Variants in TM2D1 observed in about 807,000 individuals in gnomAD.
The protein encoded by TM2D1 is TM2 domain-containing protein 1.
Under a neutral mutation model 28.4 loss-of-function variants are expected in TM2D1, and 15 were observed. The observed-to-expected ratio is 0.53, with a 90% CI of 0.35 to 0.81. TM2D1 has a LOEUF of 0.81. TM2D1 is among the 40% of genes least tolerant of loss of function. TM2D1 has a pLI of 0.01. For synonymous variants in TM2D1, 93 were observed against 96.2 expected, an observed-to-expected ratio of 0.97 and a Z score of 0.20; for missense variants, 236 against 254.9, an observed-to-expected ratio of 0.93 and a Z score of 0.50.
chr1:61,681,731 T>C (rs554565039), intron 6 of TM2D1, among the ~76,000 whole-genome samples: 20 of 152,266 alleles, frequency 1.3e-4, no homozygotes, highest in Non-Finnish European at 2.1e-4. Context: ...ACAATCCTTC[T>C]CATAAAATAG....
At chr1:61,697,293 T>C (rs1334194560) in intron 4 of TM2D1, among the ~76,000 whole-genome samples, 1 of 152,112 alleles carries the variant, frequency 6.6e-6, no homozygotes, top group African/African-American at 2.4e-5. Context: ...AATGTGTTAC[T>C]CCAGGAGTTT....
chr1:61,687,631 T>C (rs1485882538), intron 5 of TM2D1, among the ~76,000 whole-genome samples: 3 of 152,180 alleles, frequency 2.0e-5, no homozygotes, highest in Non-Finnish European at 4.4e-5. Flanking sequence ...TTTAACAGCA[T>C]TGTCAGTGAA....
At chr1:61,723,504 T>G (rs1434417870) in intron 2 of TM2D1, among the ~76,000 whole-genome samples, 1 of 152,200 alleles carries the variant, frequency 6.6e-6, no homozygotes, top group African/African-American at 2.4e-5. Flanking sequence ...TGGTGAAATT[T>G]CACCATTTCA....
At chr1:61,713,313 T>C (rs895313303) in intron 2 of TM2D1, among the ~76,000 whole-genome samples, 2 of 150,526 alleles carry the variant, frequency 1.3e-5, no homozygotes, top group Admixed American at 6.6e-5. Context: ...CCCATCTCTA[T>C]CAAAAATACA....
intron 2 of TM2D1, among the ~76,000 whole-genome samples, chr1:61,717,799 G>C (rs1351362764): frequency 6.6e-6 from 1 of 151,754 alleles, no homozygotes; most frequent in African/African-American, 2.4e-5. Context: ...AATGTAATCA[G>C]ACAATGAAGT....
At chr1:61,701,887 G>T (rs1282518386) in intron 3 of TM2D1, among the ~76,000 whole-genome samples, 24 of 152,134 alleles carry the variant, frequency 1.6e-4, no homozygotes, top group Admixed American at 1.6e-3. Flanking sequence ...TGAGGGAAAA[G>T]GAGAAGTCAA....
intron 2 of TM2D1, among the ~76,000 whole-genome samples, chr1:61,721,976 A>G (rs1047907790): frequency 6.0e-5 from 9 of 150,620 alleles, no homozygotes; most frequent in Non-Finnish European, 1.3e-4. Flanking sequence ...AAAAAAAAAA[A>G]AAGTCAGGGA....
At chr1:61,701,290 T>C (rs1323079603) in intron 3 of TM2D1, among the ~76,000 whole-genome samples, 1 of 102,404 alleles carries the variant, frequency 9.8e-6, no homozygotes, top group Non-Finnish European at 1.9e-5. Flanking sequence ...TATACTATGT[T>C]AGAAAGTCAT....
At chr1:61,700,004 T>C in intron 4 of TM2D1, 3 of 876,970 alleles carry the variant, frequency 3.4e-6, no homozygotes, top group Non-Finnish European at 4.6e-6. Context: ...CTTTGCTAGC[T>C]AGTAGGCAGA....
rs140110616 is a variant in TM2D1 at position 61,691,588 on chromosome 1, C to T, written c.513+3109G>A. On this transcript the variant is annotated intron_variant, in intron 5 of 6. Transcript: ENST00000606498. ...AATCTCATTTTTCTGATAAAAAACT[C>T]GTATTATCTAATCTATCCTTCATGA... Among the ~76,000 whole-genome samples the T allele has an allele frequency of 1.2e-4, 18 of 150,036 alleles. No individual in the cohort carries two copies. In the East Asian group the frequency reaches 3.5e-3, roughly 30 times the overall value.
At chr1:61,707,446 A>G (rs1375313445) in intron 3 of TM2D1, among the ~76,000 whole-genome samples, 3 of 152,214 alleles carry the variant, frequency 2.0e-5, no homozygotes, top group Non-Finnish European at 4.4e-5. Flanking sequence ...TGTTCTCAAC[A>G]GATGATTTTC....
At chr1:61,694,864 T>G in intron 4 of TM2D1, 94 bp from the exon 5 acceptor site, 1 of 593,974 alleles carries the variant, frequency 1.7e-6, no homozygotes, top group Non-Finnish European at 2.8e-6. Flanking sequence ...TATATATATA[T>G]ATCACACTCT....
At chr1:61,690,278 G>A (rs1644314021) in intron 5 of TM2D1, among the ~76,000 whole-genome samples, 2 of 151,948 alleles carry the variant, frequency 1.3e-5, no homozygotes, top group African/African-American at 2.4e-5. Flanking sequence ...CCAATATGGT[G>A]AAACCCTGTC....
intron 5 of TM2D1, among the ~76,000 whole-genome samples, chr1:61,689,042 T>C (rs758363742): frequency 6.6e-6 from 1 of 152,092 alleles, no homozygotes; most frequent in Non-Finnish European, 1.5e-5. Context: ...ATCTCAGAAA[T>C]AAAAATAAAA....
rs1333856404 is a variant in TM2D1, at chr1:61,716,357, TTAATTTTATATATAATTATA to T, written c.239-6940_239-6921del. Among the ~76,000 whole-genome samples the T allele has an allele frequency of 9.6e-4, 140 of 146,500 alleles. 1 individual carries two copies. In the Middle Eastern group the frequency reaches 0.014, roughly 15 times the overall value. ...CCCCCAACAAATATTATATACATAT[TTAATTTTATATATAATTATA>T]TAATTTTATATATAATTACATATAT... On this transcript the variant is annotated intron_variant, in intron 2 of 6. Transcript: ENST00000606498.
chr1:61,686,727 T>C (rs902917063), intron 5 of TM2D1: 2 of 836,600 alleles, frequency 2.4e-6, no homozygotes, highest in Non-Finnish European at 2.9e-6. Context: ...ATATAATAAA[T>C]GTGCCAATTC....
chr1:61,684,806 TCTCA>T (rs1403484657), intron 5 of TM2D1, among the ~76,000 whole-genome samples: 1 of 152,198 alleles, frequency 6.6e-6, no homozygotes, highest in Non-Finnish European at 1.5e-5. Flanking sequence ...TGATATAGGG[TCTCA>T]CTCTGTCATC....
At chr1:61,692,894 A>G (rs1011421776) in intron 5 of TM2D1, among the ~76,000 whole-genome samples, 1 of 152,180 alleles carries the variant, frequency 6.6e-6, no homozygotes, top group African/African-American at 2.4e-5. Context: ...CTCTAACTCT[A>G]CACCTCAATA....
intron 2 of TM2D1, among the ~76,000 whole-genome samples, chr1:61,710,446 AT>A (rs377181454): frequency 0.31 from 31,849 of 104,122 alleles, 6,226 homozygotes; most frequent in Non-Finnish European, 0.39. Context: ...AAAAAAAAAA[AT>A]GTATATATAT....
Sources: gnomAD v4.1 joint callset for allele counts (sites outside exome capture counted in the v4.1 genomes callset) on GRCh38, gnomAD v4.1.1 for gene constraint, MANE v1.5 for transcripts, NCBI Gene and HGNC (gene_info 2026-07-23, HGNC 2026-07-21) for gene names.